The following EIF2A variants were observed in gnomAD, a reference collection of about 807,000 sequenced individuals.
EIF2A encodes eukaryotic translation initiation factor 2A.
EIF2A carries 62 observed loss-of-function variants against 75.2 expected under a neutral mutation model. The observed-to-expected ratio is 0.82, with a 90% CI of 0.67 to 1.02. EIF2A has a LOEUF of 1.02. EIF2A is among the 50% of genes least tolerant of loss of function. EIF2A has a pLI of 0.00. For synonymous variants in EIF2A, 207 were observed against 239.0 expected (o/e 0.87, Z 1.23); for missense variants, 611 against 677.7 (o/e 0.90, Z 1.09).
intron 1 of EIF2A, among the ~76,000 whole-genome samples, chr3:150,551,957 T>C (rs1002501624): frequency 2.0e-5 from 3 of 152,204 alleles, no homozygotes; most frequent in African/African-American, 4.8e-5. Flanking sequence ...TTTATTACTT[T>C]ATATAAAGCA....
At chr3:150,583,771 C>G (rs1364036544) in intron 13 of EIF2A, 75 bp from the exon 14 acceptor site, 3 of 1,347,962 alleles carry the variant, frequency 2.2e-6, no homozygotes, top group Non-Finnish European at 3.1e-6. Context: ...TCAGAAATAC[C>G]ATTTTTTCTG....
Position 150,584,599 on chromosome 3 carries a change from T to C in EIF2A, c.*688T>C, listed in dbSNP as rs749279883. Reference sequence around the variant, plus strand: ...TTAAAGTTTTCCACACTGTTGGCAATATCAGAAGTGATAAGGCTTTGAAAT... The same window carrying C: ...TTAAAGTTTTCCACACTGTTGGCAACATCAGAAGTGATAAGGCTTTGAAAT... On this transcript the variant is annotated 3_prime_UTR_variant, in exon 14 of 14. Transcript: ENST00000460851. 1.3e-5 allele frequency among the ~76,000 whole-genome samples: 2 copies of C among 152,232 alleles called. No individual in the cohort carries two copies. The highest frequency in any genetic ancestry group is 2.9e-5 in the Non-Finnish European group (2 of 68,026).
chr3:150,579,221 T>A (rs1522352), intron 11 of EIF2A, among the ~76,000 whole-genome samples: 47,868 of 152,004 alleles, frequency 0.31, 8,257 homozygotes, highest in East Asian at 0.49. Context: ...CCCCTCTTCT[T>A]TTATTTACTC....
intron 6 of EIF2A, among the ~76,000 whole-genome samples, chr3:150,565,380 C>T (rs1404708500): frequency 1.3e-5 from 2 of 152,108 alleles, no homozygotes; most frequent in African/African-American, 4.8e-5. Context: ...ATTGTTGATA[C>T]TCTGGTTTTT....
intron 1 of EIF2A, among the ~76,000 whole-genome samples, chr3:150,549,101 A>G (rs1207046831): frequency 6.6e-6 from 1 of 150,602 alleles, no homozygotes; most frequent in Non-Finnish European, 1.5e-5. Context: ...GGGAGTGACA[A>G]GCCAAAGCAG....
chr3:150,571,750 A>T (rs1429577645), intron 9 of EIF2A, among the ~76,000 whole-genome samples: 1 of 152,238 alleles, frequency 6.6e-6, no homozygotes, highest in African/African-American at 2.4e-5. Flanking sequence ...GTTTAAAAGA[A>T]ATTAAGATTC....
intron 2 of EIF2A, chr3:150,552,983 T>C (rs1249478069): frequency 6.6e-6 from 1 of 152,366 alleles, no homozygotes; most frequent in African/African-American, 2.4e-5. Flanking sequence ...AGCTTTGGTA[T>C]AGTTTTGACT....
chr3:150,584,238 T>C lies in EIF2A; in HGVS notation c.*327T>C. 5.3e-6 allele frequency: 1 copy of C among 187,008 alleles called. No homozygotes were observed. The highest frequency in any genetic ancestry group is 1.9e-4 in the South Asian group (1 of 5,362). 11.6% of individuals were successfully genotyped at this position (187,008 alleles called of 1,614,324 possible). On this transcript the variant is annotated 3_prime_UTR_variant, in exon 14 of 14. Coordinates refer to ENST00000460851, the MANE Select transcript of EIF2A (RefSeq NM_032025.5). ...TGTAAATGAACAAAGACATTTTAAA[T>C]TTAATCACTGTTTTTATTATAAGTT...
chr3:150,562,622 C>G lies in EIF2A; in HGVS notation c.254C>G (p.Pro85Arg), dbSNP rs761365910. Reference sequence around the variant, plus strand: ...AAGGCAGTTTGCCTTGAATTCTCACCCAAAAATACTGTCCTGGCAACGTGG... The same window carrying G: ...AAGGCAGTTTGCCTTGAATTCTCACGCAAAAATACTGTCCTGGCAACGTGG... ...LLKAVCLEFS[P>R]KNTVLATWQP... Residue 85 changes from proline to arginine, a missense_variant, in exon 4 of 14, where the codon CCC (proline) becomes CGC (arginine). By Grantham distance (103) the Pro-to-Arg change is moderately radical. Coordinates refer to ENST00000460851, the MANE Select transcript of EIF2A (RefSeq NM_032025.5). The G allele has an allele frequency of 6.2e-7, 1 of 1,613,394 alleles. No homozygotes were observed. Among genetic ancestry groups the G allele is most frequent in the South Asian group, 1.1e-5 (1 of 91,030 alleles).
In EIF2A at chr3:150,568,258, T is replaced by C. The variant is rs755657985; in HGVS notation, c.777T>C (p.Ile259=). The C allele has an allele frequency of 6.2e-7, 1 of 1,613,308 alleles. No individual in the cohort carries two copies. Among genetic ancestry groups the C allele is most frequent in the Non-Finnish European group, 8.5e-7 (1 of 1,179,638 alleles). Reference sequence around the variant, plus strand: ...ATGGAGAACAAACTCTACACTACATTGCAACAAATGGAGAAAGTGCTGTAG... The same window carrying C: ...ATGGAGAACAAACTCTACACTACATCGCAACAAATGGAGAAAGTGCTGTAG... ...SYYGEQTLHY[I]ATNGESAVVQ... is the part of the protein sequence containing the mutation. The change falls in exon 9 of 14, where the codon ATT becomes ATC. Residue 259 remains isoleucine, a synonymous_variant. Transcript: ENST00000460851.
At chr3:150,581,513 A>C in intron 11 of EIF2A, 105 bp from the exon 12 acceptor site, 1 of 1,325,324 alleles carries the variant, frequency 7.5e-7, no homozygotes, top group Non-Finnish European at 1.0e-6. Context: ...ATGTAGATAA[A>C]ATCACATATT....
At chr3:150,554,834 A>G (rs1188045352) in intron 2 of EIF2A, among the ~76,000 whole-genome samples, 1 of 152,118 alleles carries the variant, frequency 6.6e-6, no homozygotes, top group Non-Finnish European at 1.5e-5. Flanking sequence ...GACCAACTAT[A>G]TTGGCATCAC....
chr3:150,572,584 G>T, intron 10 of EIF2A, 55 bp downstream of exon 10: 2 of 1,505,382 alleles, frequency 1.3e-6, no homozygotes, highest in Non-Finnish European at 1.8e-6. Flanking sequence ...GCCAGGAGTG[G>T]TGGTTCACAT....
chr3:150,575,723 A>G lies in EIF2A; in HGVS notation c.1458A>G (p.Lys486=). ...AGCCATTATCAAAAACAGCTCTTAA[A>G]AATCAAAGGAAGCATGAAGCTAAGA... ...NDKPLSKTAL[K]NQRKHEAKKA... Residue 486 remains lysine (K), a synonymous_variant, in exon 11 of 14, where the codon AAA becomes AAG. Coordinates refer to ENST00000460851, the MANE Select transcript of EIF2A (RefSeq NM_032025.5). The G allele has an allele frequency of 6.2e-7, 1 of 1,613,070 alleles. No homozygotes were observed. The highest frequency in any genetic ancestry group is 8.5e-7 in the Non-Finnish European group (1 of 1,179,518).
intron 6 of EIF2A, 72 bp from the exon 7 acceptor site, chr3:150,567,621 A>T: frequency 9.8e-7 from 1 of 1,019,666 alleles, no homozygotes; most frequent in Non-Finnish European, 1.5e-6. Flanking sequence ...GATCTTTGAT[A>T]ATGTATTCAG....
At position 150,568,269 on chromosome 3, in the gene EIF2A, G is replaced by T; in HGVS notation, c.788G>T (p.Gly263Val). ...EQTLHYIATN[G>V]ESAVVQLPKN... Reference sequence around the variant, plus strand: ...ACTCTACACTACATTGCAACAAATGGAGAAAGTGCTGTAGTGCAATTACGT... The same window carrying T: ...ACTCTACACTACATTGCAACAAATGTAGAAAGTGCTGTAGTGCAATTACGT... The change falls in exon 9 of 14, where the codon GGA becomes GTA. Residue 263 changes from glycine to valine, a missense_variant. By Grantham distance (109) the Gly-to-Val change is moderately radical. Coordinates refer to ENST00000460851, the MANE Select transcript of EIF2A (RefSeq NM_032025.5). 2 of 1,612,970 alleles carry T rather than the reference G, an allele frequency of 1.2e-6. No individual in the cohort carries two copies. The highest frequency in any genetic ancestry group is 2.2e-5 in the South Asian group (2 of 90,800).
rs570401441 is a variant in EIF2A, at chr3:150,584,105, A to C, written c.*194A>C. 3.9e-6 allele frequency: 2 copies of C among 511,090 alleles called. No homozygotes were observed. Among genetic ancestry groups the C allele is most frequent in the East Asian group, 6.5e-5 (2 of 30,626 alleles). 31.7% of individuals were successfully genotyped at this position (511,090 alleles called of 1,614,324 possible). ...AATTGATATTTATATCTTGCATCCT[A>C]TATCATGTCAATATGTGATATAGAA... On this transcript the variant is annotated 3_prime_UTR_variant, in exon 14 of 14. Transcript: ENST00000460851.
chr3:150,547,327 G>A (rs529201194), intron 1 of EIF2A: 18 of 165,870 alleles, frequency 1.1e-4, no homozygotes, highest in Non-Finnish European at 1.9e-4. Context: ...TGTAATGCAG[G>A]TTTCAAATGA....
intron 11 of EIF2A, 54 bp downstream of exon 11, chr3:150,575,816 CA>C: frequency 6.9e-7 from 1 of 1,447,366 alleles, no homozygotes; most frequent in Non-Finnish European, 9.4e-7. Context: ...TGGCCGGGCG[CA>C]GTGGCTCACG....
Sources: gnomAD v4.1 joint callset for allele counts (sites outside exome capture counted in the v4.1 genomes callset) on GRCh38, gnomAD v4.1.1 for gene constraint, MANE v1.5 for transcripts, NCBI Gene and HGNC (gene_info 2026-07-23, HGNC 2026-07-21) for gene names.